GPR160: variants seen among roughly 807,000 people sequenced by gnomAD.
GPR160 encodes G protein-coupled receptor 160.
A neutral mutation model predicts 2.6 loss-of-function variants in GPR160; 2 were observed. The ratio of observed to expected loss-of-function variants is 0.77; its 90% confidence interval spans 0.32 to 2.44. The LOEUF (loss-of-function observed/expected upper bound fraction) is 2.44, where lower values mean the gene tolerates loss of function less well. GPR160 is among the 30% of genes most tolerant of loss of function. The probability of loss-of-function intolerance (pLI) is 0.11; values close to 1 mark genes in which losing one functional copy is unlikely to be tolerated. For synonymous variants in GPR160, 130 were observed against 132.2 expected (o/e 0.98, Z 0.12); for missense variants, 351 against 383.6 (o/e 0.91, Z 0.71).
chr3:170,054,046 AT>A (rs1266072516), intron 2 of GPR160, among the ~76,000 whole-genome samples: 4 of 151,946 alleles, frequency 2.6e-5, no homozygotes, highest in African/African-American at 9.7e-5. Flanking sequence ...GATTTAGACA[AT>A]TTGAATCAGA....
chr3:170,072,759 T>C (rs1418992296), intron 2 of GPR160, among the ~76,000 whole-genome samples: 1 of 152,200 alleles, frequency 6.6e-6, no homozygotes, highest in Non-Finnish European at 1.5e-5. Flanking sequence ...AAGTCATTCA[T>C]GAGGGATCCA....
chr3:170,043,367 A>G (rs1275829214), intron 2 of GPR160, among the ~76,000 whole-genome samples: 1 of 151,986 alleles, frequency 6.6e-6, no homozygotes, highest in East Asian at 1.9e-4. Flanking sequence ...TATTTAGTAG[A>G]GACAAGGTTT....
In GPR160 at chr3:170,079,787, A is replaced by T. The variant is rs1328656734; in HGVS notation, c.-179A>T. On this transcript the variant is annotated 5_prime_UTR_variant, in exon 3 of 4. An upstream open reading frame in the 5' UTR loses its in-frame stop. Transcript: ENST00000355897. Reference sequence around the variant, plus strand: ...TCTTTCACACAGAGCTTACTCACATAGCATATTGGTATATCAAAATGAAAT... The same window carrying T: ...TCTTTCACACAGAGCTTACTCACATTGCATATTGGTATATCAAAATGAAAT... The T allele has an allele frequency of 6.6e-6, 1 of 152,260 alleles. No individual in the cohort carries two copies. Among genetic ancestry groups the T allele is most frequent in the Non-Finnish European group, 1.5e-5 (1 of 68,050 alleles). The allele number at this position is 152,260 out of a possible 1,614,324, so 9.4% of individuals were successfully genotyped here.
At chr3:170,041,508 T>C (rs1469480325) in intron 2 of GPR160, among the ~76,000 whole-genome samples, 1 of 152,090 alleles carries the variant, frequency 6.6e-6, no homozygotes, top group Non-Finnish European at 1.5e-5. Flanking sequence ...TCTCCATCTG[T>C]TGACCTCGTG....
chr3:170,049,598 C>T (rs1247645308), intron 2 of GPR160, among the ~76,000 whole-genome samples: 1 of 152,224 alleles, frequency 6.6e-6, no homozygotes, highest in East Asian at 1.9e-4. Context: ...GGTCTGTAGA[C>T]AGACTCCAGG....
intron 3 of GPR160, among the ~76,000 whole-genome samples, chr3:170,082,253 T>G (rs1220489087): frequency 6.6e-6 from 1 of 152,228 alleles, no homozygotes; most frequent in East Asian, 1.9e-4. Flanking sequence ...TAACATACTG[T>G]GAAAATTTAT....
At position 170,055,851 on chromosome 3, in the gene GPR160, G is replaced by T. The variant is rs1025156701; in HGVS notation, c.-193+16808G>T. ...GGGTTTCACCGTGTTAGCCAGGATG[G>T]TCTCGATCTCCTCACTTCGTGATCC... On this transcript the variant is annotated intron_variant, in intron 2 of 3. Transcript: ENST00000355897. Among the ~76,000 whole-genome samples the T allele has an allele frequency of 3.3e-5, 5 of 152,146 alleles. 1 individual carries two copies. The highest frequency in any genetic ancestry group is 3.3e-4 in the Admixed American group (5 of 15,268).
At chr3:170,080,941 T>A (rs1713093174) in intron 3 of GPR160, among the ~76,000 whole-genome samples, 1 of 152,198 alleles carries the variant, frequency 6.6e-6, no homozygotes. Flanking sequence ...GCTCAAGTGA[T>A]CTACCCACCT....
chr3:170,084,881 C>T lies in GPR160; in HGVS notation c.909C>T (p.Asp303=), dbSNP rs1713345080. ...ATTGTCACAAGCTTAATTTAAAAGA[C>T]ATTGGATTACCTTTGGATCCATTTG... ...WFNCHKLNLK[D]IGLPLDPFVN... The change falls in exon 4 of 4, where the codon GAC becomes GAT. Residue 303 remains aspartate (D), a synonymous_variant. Coordinates refer to ENST00000355897, the MANE Select transcript of GPR160 (RefSeq NM_014373.3). The T allele has an allele frequency of 1.2e-6, 2 of 1,606,112 alleles. No homozygotes were observed. Among genetic ancestry groups the T allele is most frequent in the African/African-American group, 2.7e-5 (2 of 74,792 alleles).
intron 2 of GPR160, among the ~76,000 whole-genome samples, chr3:170,064,098 T>TGG (rs35627980): frequency 6.8e-6 from 1 of 146,882 alleles, no homozygotes; most frequent in African/African-American, 2.5e-5. Context: ...CTGTATTTTT[T>TGG]TGGGGGGGGC....
At chr3:170,081,264 C>A (rs935124603) in intron 3 of GPR160, among the ~76,000 whole-genome samples, 1 of 152,062 alleles carries the variant, frequency 6.6e-6, no homozygotes, top group South Asian at 2.1e-4. Flanking sequence ...CTTGTAAGAC[C>A]AATGGCATTT....
intron 3 of GPR160, among the ~76,000 whole-genome samples, chr3:170,081,687 T>C (rs887191257): frequency 2.6e-5 from 4 of 152,172 alleles, no homozygotes; most frequent in African/African-American, 9.7e-5. Flanking sequence ...CTAAGTCTAG[T>C]ACCTAATAGT....
At chr3:170,042,218 G>A (rs1240429395) in intron 2 of GPR160, among the ~76,000 whole-genome samples, 1 of 151,942 alleles carries the variant, frequency 6.6e-6, no homozygotes. Context: ...AAATCAGCCT[G>A]GGCAACATAG....
At chr3:170,059,674 G>C (rs1319384295) in intron 2 of GPR160, among the ~76,000 whole-genome samples, 1 of 151,008 alleles carries the variant, frequency 6.6e-6, no homozygotes, top group Admixed American at 6.6e-5. Context: ...GTGGCTTCCT[G>C]CCCTTTTTTT....
rs1379289565 is a variant in GPR160 at position 170,038,170 on chromosome 3, G to T, written c.-367G>T. On this transcript the variant is annotated 5_prime_UTR_variant, in exon 1 of 4. Transcript: ENST00000355897. The surrounding 1 kb of genome is among the most constrained non-coding windows in gnomAD (Gnocchi z 5.3). ...GGTCACCTGGGCACGGGCGCTGCAG[G>T]TGTCGGGGCCTCAACCTTGCGGAGC... is the stretch of plus-strand genomic sequence containing the variant. 6.6e-6 allele frequency: 1 copy of T among 152,312 alleles called. No homozygotes were observed. 9.4% of individuals were successfully genotyped at this position (152,312 alleles called of 1,614,324 possible).
chr3:170,076,097 A>T (rs1308929685), intron 2 of GPR160, among the ~76,000 whole-genome samples: 1 of 152,182 alleles, frequency 6.6e-6, no homozygotes, highest in East Asian at 1.9e-4. Flanking sequence ...TATACAAATA[A>T]CTGGTTATAG....
chr3:170,084,382 T>C lies in GPR160; in HGVS notation c.410T>C (p.Leu137Ser), dbSNP rs1439208536. Residue 137 changes from leucine (L) to serine (S), a missense_variant, in exon 4 of 4, where the codon TTA (leucine) becomes TCA (serine). By Grantham distance (145) the Leu-to-Ser change is moderately radical. Coordinates refer to ENST00000355897, the MANE Select transcript of GPR160 (RefSeq NM_014373.3). ...TTKLSFKCQK[L>S]FYFFTVILIW... ...AAGCTTTCATTTAAGTGTCAAAAAT[T>C]ATTTTATTTCTTTACAGTAATTTTA... is the stretch of plus-strand genomic sequence containing the variant. 2.5e-6 allele frequency: 4 copies of C among 1,607,630 alleles called. No homozygotes were observed. The highest frequency in any genetic ancestry group is 8.5e-7 in the Non-Finnish European group (1 of 1,174,990).
chr3:170,065,783 TACTC>T (rs1330389121), intron 2 of GPR160, among the ~76,000 whole-genome samples: 1 of 152,214 alleles, frequency 6.6e-6, no homozygotes, highest in Admixed American at 6.5e-5. Context: ...TTTTTTTCCT[TACTC>T]AATGTGTTTA....
At chr3:170,062,628 C>T (rs1019073022) in intron 2 of GPR160, 7 of 1,389,526 alleles carry the variant, frequency 5.0e-6, no homozygotes, top group Non-Finnish European at 7.0e-6. Flanking sequence ...CCTCCGGCCT[C>T]GTCTTGTGAT....
Sources: allele counts gnomAD v4.1 joint callset (sites outside exome capture counted in the v4.1 genomes callset), GRCh38; gene constraint gnomAD v4.1.1; non-coding constraint Gnocchi (gnomAD v3.1); transcripts MANE v1.5; gene names NCBI Gene and HGNC (gene_info 2026-07-23, HGNC 2026-07-21).